Variants in CDH7 observed in about 807,000 individuals in gnomAD.
CDH7 encodes cadherin-7.
Under a neutral mutation model 71.8 loss-of-function variants are expected in CDH7, and 25 were observed. The observed-to-expected ratio is 0.35, with a 90% confidence interval of 0.25 to 0.49. CDH7 has a LOEUF of 0.49. Among genes scored for constraint, CDH7 ranks in the 20% least tolerant of loss-of-function variants. CDH7 has a pLI of 0.99. For missense variants in CDH7, 862 were observed against 974.6 expected (o/e 0.88, Z 1.54); for synonymous variants, 381 against 363.8 (o/e 1.05, Z -0.54).
At chr18:65,877,787 A>G (rs1914114726) in intron 11 of CDH7, among the ~76,000 whole-genome samples, 1 of 151,316 alleles carries the variant, frequency 6.6e-6, no homozygotes, top group African/African-American at 2.5e-5. Context: ...TGGGGAAACT[A>G]TGTGAAAAAT....
intron 7 of CDH7, among the ~76,000 whole-genome samples, chr18:65,851,096 G>A (rs975064711): frequency 2.0e-5 from 2 of 100,064 alleles, no homozygotes; most frequent in Admixed American, 1.3e-4. Context: ...GAGCCACAGT[G>A]CCCGGCCTCA....
chr18:65,775,316 C>T (rs986239711), intron 2 of CDH7, among the ~76,000 whole-genome samples: 5 of 152,116 alleles, frequency 3.3e-5, no homozygotes, highest in East Asian at 3.9e-4. Context: ...AGCTTTTCTC[C>T]GCTTAATTTC....
At chr18:65,870,850 G>C (rs1376872683) in intron 11 of CDH7, among the ~76,000 whole-genome samples, 1 of 152,106 alleles carries the variant, frequency 6.6e-6, no homozygotes, top group Non-Finnish European at 1.5e-5. Context: ...TTTGAATGTA[G>C]TGATCTTCGT....
intron 6 of CDH7, among the ~76,000 whole-genome samples, chr18:65,831,135 AAAAT>A (rs1408299056): frequency 6.6e-6 from 1 of 152,196 alleles, no homozygotes; most frequent in Non-Finnish European, 1.5e-5. Flanking sequence ...TAGAAATTAT[AAAAT>A]AATTTATTAC....
intron 1 of CDH7, among the ~76,000 whole-genome samples, chr18:65,761,077 CT>C (rs1373216185): frequency 6.6e-6 from 1 of 152,090 alleles, no homozygotes; most frequent in Non-Finnish European, 1.5e-5. Flanking sequence ...GATAGGGTAT[CT>C]GGATTTGGGT....
At chr18:65,846,094 C>A (rs995676925) in intron 7 of CDH7, among the ~76,000 whole-genome samples, 1 of 151,828 alleles carries the variant, frequency 6.6e-6, no homozygotes. Flanking sequence ...ATAATATTTT[C>A]ATTGGAAAAA....
chr18:65,791,859 A>G (rs928582004), intron 2 of CDH7, among the ~76,000 whole-genome samples: 1 of 152,216 alleles, frequency 6.6e-6, no homozygotes, highest in East Asian at 1.9e-4. Context: ...GTCTGGTTTA[A>G]ATTCCTTCTG....
intron 7 of CDH7, among the ~76,000 whole-genome samples, chr18:65,848,964 G>C (rs977490484): frequency 5.9e-5 from 9 of 152,100 alleles, no homozygotes; most frequent in African/African-American, 1.9e-4. Flanking sequence ...AATTCAGTGT[G>C]TATTTTTTAA....
intron 2 of CDH7, among the ~76,000 whole-genome samples, chr18:65,766,333 A>G (rs945143137): frequency 1.3e-5 from 2 of 152,168 alleles, no homozygotes; most frequent in African/African-American, 4.8e-5. Context: ...TCATTAAGAC[A>G]TTGAAGATAA....
intron 6 of CDH7, among the ~76,000 whole-genome samples, chr18:65,834,694 A>G (rs1218122036): frequency 1.3e-5 from 2 of 152,222 alleles, no homozygotes; most frequent in African/African-American, 4.8e-5. Context: ...GGGACATAAC[A>G]GATAAGGCAA....
intron 2 of CDH7, among the ~76,000 whole-genome samples, chr18:65,801,677 T>C (rs977078684): frequency 6.6e-6 from 1 of 152,218 alleles, no homozygotes; most frequent in Non-Finnish European, 1.5e-5. Flanking sequence ...TCGCTGACGT[T>C]CTGTGTTTGT....
intron 11 of CDH7, among the ~76,000 whole-genome samples, chr18:65,870,044 G>A (rs1913882881): frequency 6.6e-6 from 1 of 152,098 alleles, no homozygotes; most frequent in South Asian, 2.1e-4. Context: ...ATGTTTGCAG[G>A]TTAGTAGCCA....
rs570534246 is a variant in CDH7, at chr18:65,881,870, A to G, written c.*976A>G. On this transcript the variant is annotated 3_prime_UTR_variant, in exon 12 of 12. Coordinates refer to ENST00000397968, the MANE Select transcript of CDH7 (RefSeq NM_004361.5). ...GCAATTGAGCCCTGTTGCAGGTCAC[A>G]TCTCAAAGAGGAGCACAGCTACAAG... 1 of 152,322 alleles carries G rather than the reference A, an allele frequency of 6.6e-6. No individual in the cohort carries two copies. Among genetic ancestry groups the G allele is most frequent in the African/African-American group, 2.4e-5 (1 of 41,590 alleles). The allele number at this position is 152,322 out of a possible 1,614,324, so 9.4% of individuals were successfully genotyped here. A position where few individuals can be genotyped will look rare whatever the true frequency, so the allele number is the denominator to read the frequency against.
chr18:65,875,837 G>A (rs1471408728), intron 11 of CDH7, among the ~76,000 whole-genome samples: 1 of 152,096 alleles, frequency 6.6e-6, no homozygotes, highest in African/African-American at 2.4e-5. Flanking sequence ...GCTGAGGCAG[G>A]AATATTGCTT....
At chr18:65,850,968 C>A (rs906373779) in intron 7 of CDH7, among the ~76,000 whole-genome samples, 2 of 151,928 alleles carry the variant, frequency 1.3e-5, no homozygotes, top group South Asian at 2.1e-4. Flanking sequence ...GATACCACCA[C>A]GCCCAGCTAA....
chr18:65,863,329 C>T (rs1913646261), intron 11 of CDH7: 1 of 192,274 alleles, frequency 5.2e-6, no homozygotes, highest in Non-Finnish European at 1.1e-5. Flanking sequence ...TGAGCCACAG[C>T]TCCTGGCCTG....
chr18:65,787,489 A>G (rs1430618293), intron 2 of CDH7, among the ~76,000 whole-genome samples: 1 of 152,210 alleles, frequency 6.6e-6, no homozygotes, highest in Non-Finnish European at 1.5e-5. Flanking sequence ...GTAGTTACCA[A>G]ATACAAGTAA....
intron 1 of CDH7, among the ~76,000 whole-genome samples, chr18:65,759,558 A>T (rs920080733): frequency 6.6e-6 from 1 of 152,064 alleles, no homozygotes; most frequent in Non-Finnish European, 1.5e-5. Context: ...GGCCCCCATT[A>T]TCTTTTATTA....
intron 6 of CDH7, among the ~76,000 whole-genome samples, chr18:65,827,935 A>G (rs1423576894): frequency 6.6e-6 from 1 of 151,960 alleles, no homozygotes; most frequent in East Asian, 1.9e-4. Flanking sequence ...TAATATCAAC[A>G]TGGAAATAAA....
Sources: allele counts gnomAD v4.1 joint callset (sites outside exome capture counted in the v4.1 genomes callset), GRCh38; gene constraint gnomAD v4.1.1; transcripts MANE v1.5; gene names NCBI Gene and HGNC (gene_info 2026-07-23, HGNC 2026-07-21).